RFTN1: variants seen among roughly 807,000 people sequenced by gnomAD.
RFTN1 encodes raftlin.
In RFTN1, 26 loss-of-function variants were observed where a neutral mutation model predicts 46.5. The observed-to-expected ratio is 0.56, with a 90% confidence interval of 0.41 to 0.78. RFTN1 has a LOEUF of 0.78. Among genes scored for constraint, RFTN1 ranks in the 30% least tolerant of loss-of-function variants. RFTN1 has a pLI of 0.00. For missense variants in RFTN1, 693 were observed against 718.7 expected (o/e 0.96, Z 0.41); for synonymous variants, 261 against 284.2 (o/e 0.92, Z 0.82).
intron 1 of RFTN1, among the ~76,000 whole-genome samples, chr3:16,511,584 A>G (rs1300985115): frequency 1.3e-5 from 2 of 152,132 alleles, no homozygotes; most frequent in African/African-American, 4.8e-5. Flanking sequence ...TCCTTAGTCC[A>G]CCAAGTTAGA....
rs77799138 is a variant in RFTN1, at chr3:16,442,910, C to T, written c.146-8873G>A. ...AGCCATGCTGTTGTAAATGGAGGAT[C>T]ATCTTCTTTTTTAAGGCTGAATAAT... On this transcript the variant is annotated intron_variant, in intron 2 of 9. Transcript: ENST00000334133. This position sits in a 1 kb window ranked among gnomAD's most constrained non-coding sequence, Gnocchi z 4.1. Among the ~76,000 whole-genome samples the T allele has an allele frequency of 3.3e-5, 5 of 152,166 alleles. No homozygotes were observed. Among genetic ancestry groups the T allele is most frequent in the Non-Finnish European group, 7.3e-5 (5 of 68,034 alleles).
chr3:16,389,768 C>A (rs372952140), intron 4 of RFTN1, among the ~76,000 whole-genome samples: 1 of 152,196 alleles, frequency 6.6e-6, no homozygotes, highest in East Asian at 1.9e-4. Context: ...TCTGCTGGAA[C>A]CTTGTCACTC....
Position 16,336,358 on chromosome 3 carries a change from T to G in RFTN1, c.1147-9482A>C, listed in dbSNP as rs2070848013. Among the ~76,000 whole-genome samples, 1 of 152,032 alleles carries G rather than the reference T, an allele frequency of 6.6e-6. No homozygotes were observed. The highest frequency in any genetic ancestry group is 6.5e-5 in the Admixed American group (1 of 15,274). ...GAACAAGCACATGGTTCCCATCCAG[T>G]GGAGCCCATGGAGGTGAGGTGGAGG... On this transcript the variant is annotated intron_variant, in intron 7 of 9. Coordinates refer to ENST00000334133, the MANE Select transcript of RFTN1 (RefSeq NM_015150.2). This position sits in a 1 kb window ranked among gnomAD's most constrained non-coding sequence, Gnocchi z 6.0.
intron 6 of RFTN1, among the ~76,000 whole-genome samples, chr3:16,369,581 G>C (rs572038106): frequency 6.1e-4 from 93 of 152,160 alleles, no homozygotes; most frequent in Non-Finnish European, 9.8e-4. Flanking sequence ...TACTGGGGAG[G>C]GGGTACTGGG....
intron 1 of RFTN1, among the ~76,000 whole-genome samples, chr3:16,495,753 C>A (rs757278929): frequency 7.2e-5 from 11 of 152,196 alleles, no homozygotes; most frequent in Non-Finnish European, 1.3e-4. Flanking sequence ...CCATATGGTG[C>A]CTTTGTGAGA....
Position 16,498,887 on chromosome 3 carries a change from T to C in RFTN1, c.-8-5010A>G, listed in dbSNP as rs1342836129. 6.6e-6 allele frequency among the ~76,000 whole-genome samples: 1 copy of C among 152,232 alleles called. No homozygotes were observed. Among genetic ancestry groups the C allele is most frequent in the Admixed American group, 6.5e-5 (1 of 15,286 alleles). ...TATAAAAAGTAGGAAAAATCAGCTG[T>C]AACAGTGACTTGCACACTATTGTAG... On this transcript the variant is annotated intron_variant, in intron 1 of 9. Coordinates refer to ENST00000334133, the MANE Select transcript of RFTN1 (RefSeq NM_015150.2). The surrounding 1 kb of genome is among the most constrained non-coding windows in gnomAD (Gnocchi z 5.2).
intron 7 of RFTN1, among the ~76,000 whole-genome samples, chr3:16,343,502 G>A (rs77989595): frequency 2.6e-4 from 39 of 152,122 alleles, no homozygotes; most frequent in African/African-American, 8.9e-4. Flanking sequence ...GGTGTCTCCC[G>A]CATCACTGTC....
chr3:16,320,372 C>G lies in RFTN1; in HGVS notation c.1332+3004G>C, dbSNP rs1016503096. Among the ~76,000 whole-genome samples the G allele has an allele frequency of 2.0e-5, 3 of 152,158 alleles. No homozygotes were observed. Among genetic ancestry groups the G allele is most frequent in the African/African-American group, 7.2e-5 (3 of 41,426 alleles). On this transcript the variant is annotated intron_variant, in intron 9 of 9. Transcript: ENST00000334133. The surrounding 1 kb of genome is among the most constrained non-coding windows in gnomAD (Gnocchi z 4.5). The stretch of plus-strand genomic sequence containing the variant: ...CCACATCCTCGGTGTGCCAATCTTG[C>G]AGTTTCTTTTCTTAAGTTTTAATGC...
chr3:16,396,917 G>C (rs548999877), intron 4 of RFTN1, among the ~76,000 whole-genome samples: 1 of 152,074 alleles, frequency 6.6e-6, no homozygotes, highest in African/African-American at 2.4e-5. Flanking sequence ...ACAAAAATTA[G>C]CTGGGCGTGG....
At chr3:16,350,878 A>G (rs1482775890) in intron 7 of RFTN1, among the ~76,000 whole-genome samples, 1 of 152,230 alleles carries the variant, frequency 6.6e-6, no homozygotes, top group Non-Finnish European at 1.5e-5. Context: ...AAAAAGCCAG[A>G]TGGTTTAAAA....
chr3:16,376,839 G>A lies in RFTN1; in HGVS notation c.826+879C>T, dbSNP rs918587957. Among the ~76,000 whole-genome samples the A allele has an allele frequency of 1.3e-5, 2 of 152,074 alleles. No individual in the cohort carries two copies. Among genetic ancestry groups the A allele is most frequent in the African/African-American group, 4.8e-5 (2 of 41,392 alleles). On this transcript the variant is annotated intron_variant, in intron 5 of 9. Transcript: ENST00000334133. This position sits in a 1 kb window ranked among gnomAD's most constrained non-coding sequence, Gnocchi z 4.7. The stretch of plus-strand genomic sequence containing the variant: ...CTGTTTCTCCTTGTTTTCCCTTCTG[G>A]AAGCACCACCTGTTCATTATCACTT...
In RFTN1 at chr3:16,431,711, ATTTGTCTG is replaced by A. The variant is rs543986138; in HGVS notation, c.332+2132_332+2139del. Among the ~76,000 whole-genome samples, 17 of 152,186 alleles carry A rather than the reference ATTTGTCTG, an allele frequency of 1.1e-4. No individual in the cohort carries two copies. The South Asian group carries it at 3.5e-3, about 32-fold the overall frequency. On this transcript the variant is annotated intron_variant, in intron 3 of 9. Coordinates refer to ENST00000334133, the MANE Select transcript of RFTN1 (RefSeq NM_015150.2). ...ATGCCTTATAGAATCCATACAACTC[ATTTGTCTG>A]TTTTGTTTCCTTGCTGAAATTCTGA...
Position 16,457,966 on chromosome 3 carries a change from G to C in RFTN1, c.146-23929C>G, listed in dbSNP as rs1559357119. ...TGCCTTCTGCCTTCCACCATGTGAG[G>C]ACACAGCATTCCACCCCTCTGGAGG... On this transcript the variant is annotated intron_variant, in intron 2 of 9. Coordinates refer to ENST00000334133, the MANE Select transcript of RFTN1 (RefSeq NM_015150.2). The surrounding 1 kb of genome is among the most constrained non-coding windows in gnomAD (Gnocchi z 4.2). Among the ~76,000 whole-genome samples the C allele has an allele frequency of 6.6e-6, 1 of 152,108 alleles. No homozygotes were observed. Among genetic ancestry groups the C allele is most frequent in the Non-Finnish European group, 1.5e-5 (1 of 68,022 alleles).
rs2068536836 is a variant in RFTN1, at chr3:16,317,505, A to G, written c.1333-273T>C. Among the ~76,000 whole-genome samples, 1 of 152,172 alleles carries G rather than the reference A, an allele frequency of 6.6e-6. No homozygotes were observed. The highest frequency in any genetic ancestry group is 2.4e-5 in the African/African-American group (1 of 41,440). ...AGCAGTATTTCTTTTGACTGGCTCT[A>G]TACCAAAGGCCCACATAGGAAAGGG... On this transcript the variant is annotated intron_variant, in intron 9 of 9. Coordinates refer to ENST00000334133, the MANE Select transcript of RFTN1 (RefSeq NM_015150.2). The surrounding 1 kb of genome is among the most constrained non-coding windows in gnomAD (Gnocchi z 4.3).
chr3:16,445,483 T>TCTCACACA (rs1352210263), intron 2 of RFTN1, among the ~76,000 whole-genome samples: 2,450 of 126,810 alleles, frequency 0.019, 46 homozygotes, highest in African/African-American at 0.025. Context: ...TCTCTCTCTC[T>TCTCACACA]CACACACACA....
Position 16,486,232 on chromosome 3 carries a change from T to C in RFTN1, c.145+7493A>G, listed in dbSNP as rs79723260. Among the ~76,000 whole-genome samples the C allele has an allele frequency of 8.2e-3, 1,242 of 152,244 alleles. 16 individuals carry two copies. Among genetic ancestry groups the C allele is most frequent in the African/African-American group, 0.028 (1,183 of 41,532 alleles). On this transcript the variant is annotated intron_variant, in intron 2 of 9. Coordinates refer to ENST00000334133, the MANE Select transcript of RFTN1 (RefSeq NM_015150.2). ...CCTTTACCTTGCCTGATGACTGCAA[T>C]GGTTTCTATATGTTTCCCCTCCCCC...
At position 16,316,460 on chromosome 3, in the gene RFTN1, G is replaced by T; in HGVS notation, c.*368C>A. ...CAGCAGCCTTGGTTTGTAGCCCAGG[G>T]TGTCCATGGATTTGACCCGAATGCT... On this transcript the variant is annotated 3_prime_UTR_variant, in exon 10 of 10. Coordinates refer to ENST00000334133, the MANE Select transcript of RFTN1 (RefSeq NM_015150.2). The surrounding 1 kb of genome is among the most constrained non-coding windows in gnomAD (Gnocchi z 4.5). 3.3e-6 allele frequency: 1 copy of T among 299,422 alleles called. No homozygotes were observed. The highest frequency in any genetic ancestry group is 6.3e-6 in the Non-Finnish European group (1 of 157,722). 18.5% of individuals were successfully genotyped at this position (299,422 alleles called of 1,614,324 possible).
At position 16,496,699 on chromosome 3, in the gene RFTN1, C is replaced by G. The variant is rs562001240; in HGVS notation, c.-8-2822G>C. Among the ~76,000 whole-genome samples the G allele has an allele frequency of 6.6e-5, 10 of 152,294 alleles. No individual in the cohort carries two copies. The East Asian group carries it at 1.2e-3, about 18-fold the overall frequency. On this transcript the variant is annotated intron_variant, in intron 1 of 9. Transcript: ENST00000334133. ...GTTGGAAAGCTGAACGCATGCCTAT[C>G]CTGTGACCCGGAAATTCCTCTCCTG...
intron 1 of RFTN1, among the ~76,000 whole-genome samples, chr3:16,502,941 G>C (rs1181609566): frequency 6.6e-6 from 1 of 152,240 alleles, no homozygotes; most frequent in Non-Finnish European, 1.5e-5. Flanking sequence ...CATGTTAACA[G>C]AAGTCTTGCT....
Sources: gnomAD v4.1 joint callset for allele counts (sites outside exome capture counted in the v4.1 genomes callset) on GRCh38, gnomAD v4.1.1 for gene constraint, Gnocchi (gnomAD v3.1) non-coding constraint, MANE v1.5 for transcripts, NCBI Gene and HGNC (gene_info 2026-07-23, HGNC 2026-07-21) for gene names.